Variants in COL19A1 observed in about 807,000 individuals in gnomAD.
COL19A1 encodes collagen alpha-1(XIX) chain.
COL19A1 carries 159 observed loss-of-function variants against 190.2 expected under a neutral mutation model. The ratio of observed to expected loss-of-function variants is 0.84; its 90% CI spans 0.73 to 0.95. COL19A1 has a LOEUF of 0.95. Ranked by LOEUF, COL19A1 falls within the 40% of genes least tolerant of loss-of-function variation. The pLI is 0.00. For synonymous variants in COL19A1, 509 were observed against 458.9 expected, an observed-to-expected ratio of 1.11 and a Z score of -1.39; for missense variants, 1,418 against 1,431.9, an observed-to-expected ratio of 0.99 and a Z score of 0.16.
intron 10 of COL19A1, among the ~76,000 whole-genome samples, chr6:69,961,245 C>G (rs913859731): frequency 2.6e-5 from 4 of 152,124 alleles, no homozygotes; most frequent in Non-Finnish European, 4.4e-5. Context: ...AAGATATGCA[C>G]TTATTTATAG....
At chr6:70,161,149 C>T (rs1195746142) in intron 34 of COL19A1, among the ~76,000 whole-genome samples, 3 of 152,074 alleles carry the variant, frequency 2.0e-5, no homozygotes, top group South Asian at 4.1e-4. Flanking sequence ...ATGCTTAAGC[C>T]ATTAAAGCGT....
intron 2 of COL19A1, chr6:69,891,017 G>C (rs111277300): frequency 6.1e-4 from 215 of 353,842 alleles, no homozygotes; most frequent in African/African-American, 4.2e-3. Flanking sequence ...TAGCAGAAGG[G>C]GCCATTGTCA....
chr6:70,123,915 A>G (rs1785039100), intron 17 of COL19A1, among the ~76,000 whole-genome samples: 1 of 151,650 alleles, frequency 6.6e-6, no homozygotes, highest in Non-Finnish European at 1.5e-5. Flanking sequence ...TACATATGTA[A>G]CTAACCTGCA....
At chr6:70,009,570 C>A (rs1777855215) in intron 11 of COL19A1, among the ~76,000 whole-genome samples, 1 of 152,004 alleles carries the variant, frequency 6.6e-6, no homozygotes, top group Non-Finnish European at 1.5e-5. Context: ...AAATCTGAAG[C>A]ATTTTTGCAA....
intron 15 of COL19A1, among the ~76,000 whole-genome samples, chr6:70,091,305 G>A (rs9454966): frequency 6.6e-6 from 1 of 151,828 alleles, no homozygotes; most frequent in Non-Finnish European, 1.5e-5. Context: ...ATATTTTGAG[G>A]ATTAAATGAA....
chr6:70,022,005 T>G (rs184992652), intron 11 of COL19A1, among the ~76,000 whole-genome samples: 1 of 152,308 alleles, frequency 6.6e-6, no homozygotes, highest in Non-Finnish European at 1.5e-5. Flanking sequence ...GTGATTACGT[T>G]ATTTTTTACT....
chr6:70,088,116 A>T (rs1006403157), intron 15 of COL19A1, among the ~76,000 whole-genome samples: 1 of 152,148 alleles, frequency 6.6e-6, no homozygotes, highest in African/African-American at 2.4e-5. Context: ...CAGAGAGTTC[A>T]TTCCGTGGCA....
At chr6:70,121,184 C>T (rs1364724522) in intron 16 of COL19A1, among the ~76,000 whole-genome samples, 1 of 151,940 alleles carries the variant, frequency 6.6e-6, no homozygotes, top group Admixed American at 6.6e-5. Context: ...TTTTATGGCC[C>T]TCACCCCAAA....
intron 37 of COL19A1, among the ~76,000 whole-genome samples, chr6:70,166,409 G>C (rs1583068197): frequency 1.3e-5 from 2 of 152,240 alleles, no homozygotes; most frequent in East Asian, 3.8e-4. Flanking sequence ...TGTCTGAGAT[G>C]CAAGGAAACT....
chr6:70,163,200 G>T lies in COL19A1; in HGVS notation c.2347-143G>T, dbSNP rs1787916011. 17 of 722,676 alleles carry T rather than the reference G, an allele frequency of 2.4e-5. No homozygotes were observed. The East Asian group carries it at 4.6e-4, about 20-fold the overall frequency. 44.8% of individuals were successfully genotyped at this position (722,676 alleles called of 1,614,324 possible). On this transcript the variant is annotated intron_variant, in intron 35 of 50. Coordinates refer to ENST00000620364, the MANE Select transcript of COL19A1 (RefSeq NM_001858.6). The stretch of plus-strand genomic sequence containing the variant: ...TCAGCAGGATACAGCTGCTGTATCA[G>T]CCAGAAGAAACATAAGCTTCTAGGG...
intron 18 of COL19A1, among the ~76,000 whole-genome samples, chr6:70,131,827 T>C (rs1785542247): frequency 6.6e-6 from 1 of 151,956 alleles, no homozygotes; most frequent in Non-Finnish European, 1.5e-5. Context: ...ATATGTTACT[T>C]AGACATTCTT....
chr6:70,158,878 T>C (rs1787602344), intron 34 of COL19A1, among the ~76,000 whole-genome samples: 1 of 152,134 alleles, frequency 6.6e-6, no homozygotes, highest in Admixed American at 6.6e-5. Flanking sequence ...TCCTACTCTT[T>C]AATATGTATT....
intron 9 of COL19A1, among the ~76,000 whole-genome samples, chr6:69,948,491 G>A (rs941104624): frequency 2.0e-5 from 3 of 151,788 alleles, no homozygotes; most frequent in Non-Finnish European, 2.9e-5. Context: ...AAAAGGTGAT[G>A]TCCACAGACT....
At chr6:69,978,132 G>C (rs1361900096) in intron 11 of COL19A1, among the ~76,000 whole-genome samples, 1 of 149,936 alleles carries the variant, frequency 6.7e-6, no homozygotes, top group Non-Finnish European at 1.5e-5. Flanking sequence ...CTGAGAAGAG[G>C]AGTAAGAAAT....
chr6:70,170,667 A>G (rs1014934921), intron 40 of COL19A1, among the ~76,000 whole-genome samples: 2 of 152,104 alleles, frequency 1.3e-5, no homozygotes, highest in African/African-American at 4.8e-5. Flanking sequence ...AGGGCCTCTT[A>G]TACAGAACTT....
intron 49 of COL19A1, among the ~76,000 whole-genome samples, chr6:70,205,689 C>T (rs1767808013): frequency 6.6e-6 from 1 of 152,116 alleles, no homozygotes; most frequent in South Asian, 2.1e-4. Context: ...ACATGGGTGC[C>T]AATATATAAA....
intron 14 of COL19A1, among the ~76,000 whole-genome samples, chr6:70,049,079 T>C (rs955807805): frequency 3.3e-5 from 5 of 151,922 alleles, no homozygotes; most frequent in Non-Finnish European, 7.4e-5. Context: ...AACAGGCTAT[T>C]CAATTTAAGA....
chr6:70,146,584 T>G, intron 25 of COL19A1, 75 bp from the exon 26 acceptor site: 1 of 1,102,608 alleles, frequency 9.1e-7, no homozygotes. Context: ...TGATGAAACA[T>G]ATTTTAGTTA....
At position 70,156,718 on chromosome 6, in the gene COL19A1, G is replaced by T; in HGVS notation, c.2287G>T (p.Asp763Tyr). ...GYPGIPGEKG[D>Y]EGLQGIPGIP... The stretch of plus-strand genomic sequence containing the variant: ...CCCTGGGATACCTGGGGAGAAAGGC[G>T]ATGAGGTAACAGATTCTTTTCTGAT... The change falls in exon 34 of 51, where the codon GAT (aspartate) becomes TAT (tyrosine). Residue 763 changes from aspartate to tyrosine, a missense_variant. Asp to Tyr is a radical substitution (Grantham distance 160). Coordinates refer to ENST00000620364, the MANE Select transcript of COL19A1 (RefSeq NM_001858.6). 6.2e-7 allele frequency: 1 copy of T among 1,609,298 alleles called. No individual in the cohort carries two copies. The highest frequency in any genetic ancestry group is 8.5e-7 in the Non-Finnish European group (1 of 1,176,874).
Sources: gnomAD v4.1 joint callset for allele counts (sites outside exome capture counted in the v4.1 genomes callset) on GRCh38, gnomAD v4.1.1 for gene constraint, MANE v1.5 for transcripts, NCBI Gene and HGNC (gene_info 2026-07-23, HGNC 2026-07-21) for gene names.